The following GALNTL5 variants were observed in gnomAD, a reference collection of about 807,000 sequenced individuals.
GALNTL5 encodes the protein inactive polypeptide N-acetylgalactosaminyltransferase-like protein 5.
In GALNTL5, 44 loss-of-function variants were observed where a neutral mutation model predicts 51.0. The ratio of observed to expected loss-of-function variants is 0.86; its 90% CI spans 0.68 to 1.11. The LOEUF (loss-of-function observed/expected upper bound fraction) is 1.11, where lower values mean the gene tolerates loss of function less well. Ranked by LOEUF, GALNTL5 falls within the 50% of genes least tolerant of loss-of-function variation. The pLI is 0.00. For synonymous variants in GALNTL5, 192 were observed against 182.8 expected (o/e 1.05, Z -0.41); for missense variants, 528 against 531.8 (o/e 0.99, Z 0.07).
At position 151,967,222 on chromosome 7, in the gene GALNTL5, G is replaced by A. The variant is rs904479630; in HGVS notation, c.-25G>A. 2 of 1,598,000 alleles carry A rather than the reference G, an allele frequency of 1.3e-6. No individual in the cohort carries two copies. The highest frequency in any genetic ancestry group is 1.7e-6 in the Non-Finnish European group (2 of 1,172,056). The stretch of plus-strand genomic sequence containing the variant: ...TTCTGATTTAGGAAATTGAAAAATG[G>A]ACCTTTGAAAATGCTAGATTTACAA... On this transcript the variant is annotated 5_prime_UTR_variant, in exon 2 of 9. Transcript: ENST00000392800.
At chr7:151,988,107 A>G (rs955203609) in intron 5 of GALNTL5, among the ~76,000 whole-genome samples, 1 of 152,252 alleles carries the variant, frequency 6.6e-6, no homozygotes, top group Non-Finnish European at 1.5e-5. Flanking sequence ...CCCAAGAGCC[A>G]TTCAGAGGGA....
Position 151,963,421 on chromosome 7 carries a change from G to A in GALNTL5, c.-39-3787G>A, listed in dbSNP as rs566043352. On this transcript the variant is annotated intron_variant, in intron 1 of 8. Coordinates refer to ENST00000392800, the MANE Select transcript of GALNTL5 (RefSeq NM_145292.4). ...TTTTATTATGTATTTATTTTGAGAC[G>A]GAGTCTCACTGTGTTGCCCAGGCTG... Among the ~76,000 whole-genome samples the A allele has an allele frequency of 1.2e-4, 18 of 152,254 alleles. No individual in the cohort carries two copies. In the South Asian group the frequency reaches 2.9e-3, roughly 25 times the overall value.
intron 5 of GALNTL5, among the ~76,000 whole-genome samples, chr7:151,999,468 C>T (rs1452322764): frequency 6.6e-6 from 1 of 152,184 alleles, no homozygotes; most frequent in Admixed American, 6.5e-5. Flanking sequence ...ATTTACACTC[C>T]CACCAGCAAT....
chr7:152,002,861 C>T lies in GALNTL5; in HGVS notation c.806C>T (p.Ser269Phe). 1 of 1,614,144 alleles carries T rather than the reference C, an allele frequency of 6.2e-7. No homozygotes were observed. Among genetic ancestry groups the T allele is most frequent in the Non-Finnish European group, 8.5e-7 (1 of 1,180,000 alleles). The change falls in exon 6 of 9, where the codon TCT (serine) becomes TTT (phenylalanine). Residue 269 changes from serine to phenylalanine, a missense_variant. Coordinates refer to ENST00000392800, the MANE Select transcript of GALNTL5 (RefSeq NM_145292.4). ...GATAGAACTCTGGAGTATAAGCCCTCTCCTCTTGTAAGGGGAACTTTTGAT... is the reference window on the plus strand; with the variant it reads ...GATAGAACTCTGGAGTATAAGCCCTTTCCTCTTGTAAGGGGAACTTTTGAT... ...IDDRTLEYKP[S>F]PLVRGTFDWN... is the part of the protein sequence containing the mutation.
intron 6 of GALNTL5, among the ~76,000 whole-genome samples, chr7:152,006,347 A>C (rs748693858): frequency 3.3e-5 from 5 of 152,252 alleles, no homozygotes; most frequent in Non-Finnish European, 7.3e-5. Context: ...CTAAGGCTTT[A>C]ATACGAAAGA....
chr7:151,984,933 G>C (rs1034289795), intron 4 of GALNTL5, among the ~76,000 whole-genome samples: 8 of 152,190 alleles, frequency 5.3e-5, no homozygotes, highest in Non-Finnish European at 1.2e-4. Context: ...GACGTAACTG[G>C]TGTCTTATCA....
chr7:152,007,156 A>G (rs1389862464), intron 6 of GALNTL5, among the ~76,000 whole-genome samples: 2 of 152,174 alleles, frequency 1.3e-5, no homozygotes, highest in Non-Finnish European at 2.9e-5. Context: ...TGGTTTGTCC[A>G]GAAGTAAATA....
At chr7:151,971,134 G>GATAT in intron 3 of GALNTL5, 69 bp downstream of exon 3, 1 of 1,290,422 alleles carries the variant, frequency 7.7e-7, no homozygotes, top group South Asian at 1.3e-5. Context: ...TAGATAGATA[G>GATAT]ATAGAAAGAA....
chr7:151,975,195 G>A (rs76447484), intron 3 of GALNTL5, among the ~76,000 whole-genome samples: 1 of 152,064 alleles, frequency 6.6e-6, no homozygotes, highest in Non-Finnish European at 1.5e-5. Flanking sequence ...AACCCATTAG[G>A]TCCTGGAGTT....
intron 2 of GALNTL5, among the ~76,000 whole-genome samples, chr7:151,969,846 G>T (rs1019540887): frequency 6.6e-6 from 1 of 152,210 alleles, no homozygotes; most frequent in Non-Finnish European, 1.5e-5. Context: ...TCGCTCTGTC[G>T]CCCAGGCTGG....
chr7:151,959,056 G>T (rs961885879), intron 1 of GALNTL5, among the ~76,000 whole-genome samples: 12 of 152,148 alleles, frequency 7.9e-5, no homozygotes, highest in Non-Finnish European at 1.6e-4. Context: ...TTCTCACTCC[G>T]GTCGTGGACT....
At chr7:151,962,199 T>A (rs1299372523) in intron 1 of GALNTL5, among the ~76,000 whole-genome samples, 1 of 151,744 alleles carries the variant, frequency 6.6e-6, no homozygotes, top group Non-Finnish European at 1.5e-5. Context: ...GACAGGGTTT[T>A]ACCATGTTGG....
In GALNTL5 at chr7:151,962,411, A is replaced by T. The variant is rs376648605; in HGVS notation, c.-39-4797A>T. ...CATTTCTTCTAGTTTATTTTTCCTT[A>T]AAAAAGTCTGTGTGATTTTTTTTTC... On this transcript the variant is annotated intron_variant, in intron 1 of 8. Coordinates refer to ENST00000392800, the MANE Select transcript of GALNTL5 (RefSeq NM_145292.4). 3.8e-5 allele frequency among the ~76,000 whole-genome samples: 5 copies of T among 130,214 alleles called. 1 individual carries two copies. The highest frequency in any genetic ancestry group is 1.4e-4 in the African/African-American group (5 of 36,700). The allele number at this position is 130,214 out of a possible 152,430, so 85.4% of individuals were successfully genotyped here.
intron 2 of GALNTL5, chr7:151,970,663 A>G (rs776668224): frequency 8.5e-6 from 2 of 235,042 alleles, no homozygotes; most frequent in Non-Finnish European, 1.7e-5. Flanking sequence ...TGAGGCCCCC[A>G]CCAGGAGCAG....
At chr7:152,014,999 A>G (rs561855266) in intron 8 of GALNTL5, among the ~76,000 whole-genome samples, 1 of 152,308 alleles carries the variant, frequency 6.6e-6, no homozygotes, top group South Asian at 2.1e-4. Flanking sequence ...CAAAGCAGGG[A>G]ACAACAGATA....
chr7:152,007,920 A>G lies in GALNTL5; in HGVS notation c.1002A>G (p.Arg334=), dbSNP rs1489255092. Residue 334 remains arginine, a synonymous_variant, in exon 7 of 9, where the codon AGA becomes AGG. Coordinates refer to ENST00000392800, the MANE Select transcript of GALNTL5 (RefSeq NM_145292.4). ...ACAAGGATATGGATTTTTGGGGAAG[A>G]GAAAATTTGGAACTTTCACTAAGGG... ...QYDKDMDFWG[R]ENLELSLRIW... is the part of the protein sequence containing the mutation. 4 of 1,602,644 alleles carry G rather than the reference A, an allele frequency of 2.5e-6. No individual in the cohort carries two copies. Among genetic ancestry groups the G allele is most frequent in the Admixed American group, 1.7e-5 (1 of 59,810 alleles).
intron 3 of GALNTL5, among the ~76,000 whole-genome samples, chr7:151,976,309 T>TA (rs1335901527): frequency 6.6e-6 from 1 of 152,180 alleles, no homozygotes; most frequent in Non-Finnish European, 1.5e-5. Context: ...GGTATTATAT[T>TA]ACCAACTGGC....
intron 7 of GALNTL5, among the ~76,000 whole-genome samples, chr7:152,012,946 A>G (rs974798439): frequency 6.6e-6 from 1 of 152,186 alleles, no homozygotes; most frequent in African/African-American, 2.4e-5. Flanking sequence ...TCAAAAAAAC[A>G]AAAACAAAAA....
At chr7:151,964,064 G>C (rs991212677) in intron 1 of GALNTL5, among the ~76,000 whole-genome samples, 1 of 152,156 alleles carries the variant, frequency 6.6e-6, no homozygotes, top group Non-Finnish European at 1.5e-5. Flanking sequence ...GCTGCCGGCA[G>C]GTTTGGTTTC....
Sources: allele counts gnomAD v4.1 joint callset (sites outside exome capture counted in the v4.1 genomes callset), GRCh38; gene constraint gnomAD v4.1.1; transcripts MANE v1.5; gene names NCBI Gene and HGNC (gene_info 2026-07-23, HGNC 2026-07-21).